The following MACROD2 variants were observed in gnomAD, a reference collection of about 807,000 sequenced individuals.
MACROD2 encodes ADP-ribose glycohydrolase MACROD2.
In MACROD2, 36 loss-of-function variants were observed where a neutral mutation model predicts 70.4. That is an observed-to-expected ratio of 0.51 (90% CI 0.39 to 0.68). The LOEUF (loss-of-function observed/expected upper bound fraction) is 0.68, where lower values mean the gene tolerates loss of function less well. Ranked by LOEUF, MACROD2 falls within the 30% of genes least tolerant of loss-of-function variation. The pLI is 0.00. For missense variants in MACROD2, 496 were observed against 538.4 expected (o/e 0.92, Z 0.78); for synonymous variants, 172 against 178.8 (o/e 0.96, Z 0.30).
chr20:14,403,588 C>T (rs2083661239), intron 3 of MACROD2, among the ~76,000 whole-genome samples: 2 of 152,036 alleles, frequency 1.3e-5, no homozygotes, highest in African/African-American at 4.8e-5. Flanking sequence ...GAAATACAAA[C>T]CAGAAATACA....
At chr20:15,230,093 C>A in intron 6 of MACROD2, 32 bp downstream of exon 6, 1 of 1,594,780 alleles carries the variant, frequency 6.3e-7, no homozygotes, top group Non-Finnish European at 8.6e-7. Flanking sequence ...ATTTCTCACT[C>A]TTTTTCAACC....
intron 3 of MACROD2, among the ~76,000 whole-genome samples, chr20:14,140,252 C>T (rs1392445661): frequency 6.6e-6 from 1 of 152,154 alleles, no homozygotes; most frequent in Non-Finnish European, 1.5e-5. Context: ...GGCTTTCTTA[C>T]AGAGTAGATG....
At chr20:15,430,580 T>G (rs555550651) in intron 6 of MACROD2, among the ~76,000 whole-genome samples, 3 of 151,956 alleles carry the variant, frequency 2.0e-5, no homozygotes, top group Non-Finnish European at 4.4e-5. Flanking sequence ...TAGAGTAAAA[T>G]GTACATTTAT....
chr20:14,575,999 T>C (rs1322620474), intron 4 of MACROD2, among the ~76,000 whole-genome samples: 1 of 152,204 alleles, frequency 6.6e-6, no homozygotes, highest in African/African-American at 2.4e-5. Context: ...AATATATAGT[T>C]GTCTTCATTA....
At chr20:15,903,717 G>A (rs1478357154) in intron 10 of MACROD2, among the ~76,000 whole-genome samples, 1 of 152,196 alleles carries the variant, frequency 6.6e-6, no homozygotes, top group East Asian at 1.9e-4. Context: ...AGTGAAATGG[G>A]AAGAGAGCAT....
At chr20:15,084,068 T>TTTGTTTTTTTTTTTG (rs1555780868) in intron 5 of MACROD2, among the ~76,000 whole-genome samples, 11 of 57,794 alleles carry the variant, frequency 1.9e-4, no homozygotes, top group Admixed American at 6.1e-4. Flanking sequence ...GGTTTTTTTT[T>TTTGTTTTTTTTTTTG]TTTGTTTTTT....
At chr20:15,922,897 G>A (rs1289176536) in intron 10 of MACROD2, among the ~76,000 whole-genome samples, 1 of 152,138 alleles carries the variant, frequency 6.6e-6, no homozygotes, top group Non-Finnish European at 1.5e-5. Flanking sequence ...TTTAAGATAA[G>A]GTGATTACAT....
chr20:15,617,330 T>G (rs1176671716), intron 8 of MACROD2, among the ~76,000 whole-genome samples: 1 of 152,176 alleles, frequency 6.6e-6, no homozygotes, highest in East Asian at 1.9e-4. Context: ...ATTTGGGGCT[T>G]GGGGAGCACA....
At chr20:16,029,137 A>G (rs2067119652) in intron 15 of MACROD2, among the ~76,000 whole-genome samples, 1 of 152,200 alleles carries the variant, frequency 6.6e-6, no homozygotes, top group Non-Finnish European at 1.5e-5. Context: ...TCTTTGCATA[A>G]GGCCACAGTC....
At chr20:15,781,924 G>GATA (rs1281922968) in intron 8 of MACROD2, among the ~76,000 whole-genome samples, 7 of 152,096 alleles carry the variant, frequency 4.6e-5, no homozygotes, top group African/African-American at 1.7e-4. Flanking sequence ...GAAATAATGA[G>GATA]ATAGTATTGA....
At chr20:15,874,393 A>C (rs887633644) in intron 9 of MACROD2, among the ~76,000 whole-genome samples, 3 of 152,022 alleles carry the variant, frequency 2.0e-5, no homozygotes, top group Non-Finnish European at 2.9e-5. Context: ...ATGTGTCTTC[A>C]TAGTAGCATG....
intron 3 of MACROD2, among the ~76,000 whole-genome samples, chr20:14,349,569 A>ATG (rs2083100167): frequency 6.8e-6 from 1 of 147,756 alleles, no homozygotes. Flanking sequence ...CATTATATAT[A>ATG]TATATATTGT....
intron 5 of MACROD2, among the ~76,000 whole-genome samples, chr20:15,088,450 T>TAA (rs1312249049): frequency 4.3e-4 from 35 of 81,674 alleles, no homozygotes; most frequent in South Asian, 2.3e-3. Flanking sequence ...TATATATATA[T>TAA]AATATTTTGT....
intron 3 of MACROD2, among the ~76,000 whole-genome samples, chr20:14,268,522 G>A (rs1313590995): frequency 6.6e-6 from 1 of 152,100 alleles, no homozygotes; most frequent in Non-Finnish European, 1.5e-5. Flanking sequence ...CTTAGATTCA[G>A]ATTAGATTTA....
At chr20:15,721,592 AT>A (rs2050788051) in intron 8 of MACROD2, among the ~76,000 whole-genome samples, 1 of 152,160 alleles carries the variant, frequency 6.6e-6, no homozygotes, top group Non-Finnish European at 1.5e-5. Flanking sequence ...TTATTTTAGA[AT>A]TTTTTCCTAA....
intron 3 of MACROD2, among the ~76,000 whole-genome samples, chr20:14,283,912 A>G (rs993713442): frequency 9.2e-5 from 14 of 152,208 alleles, no homozygotes; most frequent in African/African-American, 3.4e-4. Context: ...TAGTTTCTCC[A>G]GGAAAGGTGG....
intron 3 of MACROD2, among the ~76,000 whole-genome samples, chr20:14,493,085 A>G (rs913372075): frequency 2.6e-5 from 4 of 152,060 alleles, no homozygotes; most frequent in Admixed American, 2.6e-4. Flanking sequence ...TTAAATTACT[A>G]TAATACTTTT....
chr20:15,020,178 C>T (rs911503690), intron 5 of MACROD2, among the ~76,000 whole-genome samples: 8 of 152,142 alleles, frequency 5.3e-5, no homozygotes, highest in East Asian at 1.9e-4. Context: ...ATTCACATCT[C>T]ATGGAATCAA....
intron 8 of MACROD2, among the ~76,000 whole-genome samples, chr20:15,628,781 A>G (rs1000645406): frequency 6.6e-6 from 1 of 152,226 alleles, no homozygotes; most frequent in Non-Finnish European, 1.5e-5. Context: ...AATGAAAACC[A>G]GAGCCCTGCA....
Sources: gnomAD v4.1 joint callset for allele counts (sites outside exome capture counted in the v4.1 genomes callset) on GRCh38, gnomAD v4.1.1 for gene constraint, MANE v1.5 for transcripts, NCBI Gene and HGNC (gene_info 2026-07-23, HGNC 2026-07-21) for gene names.